Variants in ERBB4 observed in about 807,000 individuals in gnomAD.
The protein encoded by ERBB4 is receptor tyrosine-protein kinase erbB-4.
A neutral mutation model predicts 158.0 loss-of-function variants in ERBB4; 42 were observed. The observed-to-expected ratio is 0.27, with a 90% CI of 0.21 to 0.34. The LOEUF (loss-of-function observed/expected upper bound fraction) is 0.34. ERBB4 is among the 10% of genes least tolerant of loss of function. The probability of loss-of-function intolerance (pLI) is 1.00; values close to 1 mark genes in which losing one functional copy is unlikely to be tolerated. For synonymous variants in ERBB4, 583 were observed against 558.7 expected, an observed-to-expected ratio of 1.04 and a Z score of -0.61; for missense variants, 1,333 against 1,624.1, an observed-to-expected ratio of 0.82 and a Z score of 3.08.
At chr2:212,405,883 C>T (rs971307754) in intron 1 of ERBB4, among the ~76,000 whole-genome samples, 3 of 152,048 alleles carry the variant, frequency 2.0e-5, no homozygotes, top group African/African-American at 7.2e-5. Flanking sequence ...TGTAAATCAA[C>T]AGCACAACTA....
chr2:212,251,301 CATTT>C (rs1197672047), intron 1 of ERBB4, among the ~76,000 whole-genome samples: 10 of 152,066 alleles, frequency 6.6e-5, no homozygotes, highest in Admixed American at 2.6e-4. Context: ...TGTATACATT[CATTT>C]ATTTATTCAT....
At position 211,750,707 on chromosome 2, in the gene ERBB4, G is replaced by A. The variant is rs2106209481; in HGVS notation, c.557-3C>T. On this transcript the variant is annotated splice_region_variant and splice_polypyrimidine_tract_variant and intron_variant, in intron 4 of 27. Transcript: ENST00000342788. ...ACAGGACTTATGGCAACGTCCACCT[G>A]CAGAACACGAAAAGGGAAAAAGGAC... is the stretch of plus-strand genomic sequence containing the variant. 1 of 1,613,354 alleles carries A rather than the reference G, an allele frequency of 6.2e-7. No homozygotes were observed.
intron 4 of ERBB4, among the ~76,000 whole-genome samples, chr2:211,751,300 C>T (rs963169967): frequency 6.6e-6 from 1 of 152,030 alleles, no homozygotes; most frequent in African/African-American, 2.4e-5. Flanking sequence ...CCTTAATCTC[C>T]TATAGTGGCA....
intron 1 of ERBB4, among the ~76,000 whole-genome samples, chr2:212,457,640 A>C (rs1360685288): frequency 1.3e-5 from 2 of 152,094 alleles, no homozygotes; most frequent in Admixed American, 6.6e-5. Flanking sequence ...TAATACTCAC[A>C]TTAAAATTTA....
At chr2:211,760,120 G>T (rs2075373330) in intron 4 of ERBB4, among the ~76,000 whole-genome samples, 1 of 152,130 alleles carries the variant, frequency 6.6e-6, no homozygotes, top group South Asian at 2.1e-4. Context: ...CAGATTTGTA[G>T]CTCATTAAAA....
chr2:211,398,830 C>A (rs1452034881), intron 25 of ERBB4, among the ~76,000 whole-genome samples: 1 of 152,128 alleles, frequency 6.6e-6, no homozygotes, highest in Non-Finnish European at 1.5e-5. Context: ...GACTCTGGCT[C>A]AGAAACAAAA....
intron 25 of ERBB4, among the ~76,000 whole-genome samples, chr2:211,402,709 G>A (rs1042361792): frequency 1.8e-4 from 27 of 151,844 alleles, no homozygotes; most frequent in African/African-American, 4.4e-4. Context: ...TCAATAAAAC[G>A]TTTATCAGCC....
At chr2:212,360,808 T>C (rs1437786988) in intron 1 of ERBB4, among the ~76,000 whole-genome samples, 3 of 151,714 alleles carry the variant, frequency 2.0e-5, no homozygotes, top group Non-Finnish European at 3.0e-5. Context: ...CTTTTTTTCC[T>C]TGATGAAAAA....
At chr2:211,854,565 A>G (rs1347470796) in intron 3 of ERBB4, among the ~76,000 whole-genome samples, 1 of 152,174 alleles carries the variant, frequency 6.6e-6, no homozygotes, top group Non-Finnish European at 1.5e-5. Flanking sequence ...TAAATAAACT[A>G]TATAAATGAA....
At chr2:211,389,245 C>T (rs1045123561) in intron 25 of ERBB4, among the ~76,000 whole-genome samples, 5 of 152,120 alleles carry the variant, frequency 3.3e-5, no homozygotes, top group African/African-American at 1.2e-4. Flanking sequence ...CCATGTTAGC[C>T]AGGATAGTCT....
At chr2:211,835,818 T>C (rs2077329359) in intron 3 of ERBB4, among the ~76,000 whole-genome samples, 1 of 152,036 alleles carries the variant, frequency 6.6e-6, no homozygotes. Context: ...AAGCAAATAT[T>C]GATACAAGTG....
At chr2:211,473,423 G>A (rs73067289) in intron 20 of ERBB4, among the ~76,000 whole-genome samples, 3,034 of 152,178 alleles carry the variant, frequency 0.02, 96 homozygotes, top group African/African-American at 0.07. Flanking sequence ...CCAGTTTGTG[G>A]CAGATTGTTA....
intron 19 of ERBB4, among the ~76,000 whole-genome samples, chr2:211,611,408 G>GCTTTACTTTTGCTTTCA (rs1218923704): frequency 0.16 from 3,169 of 20,022 alleles, 61 homozygotes; most frequent in Admixed American, 0.32. Flanking sequence ...AGGTGTGGAA[G>GCTTTACTTTTGCTTTCA]CTTTACTTTT....
At chr2:211,652,793 T>C (rs796986812) in intron 16 of ERBB4, among the ~76,000 whole-genome samples, 4 of 152,294 alleles carry the variant, frequency 2.6e-5, no homozygotes, top group African/African-American at 9.6e-5. Context: ...TAGATAAAAA[T>C]GCTTGATATC....
intron 2 of ERBB4, among the ~76,000 whole-genome samples, chr2:212,018,820 G>C (rs138767469): frequency 6.6e-6 from 1 of 152,112 alleles, no homozygotes; most frequent in African/African-American, 2.4e-5. Flanking sequence ...GTACTTAAAG[G>C]AGACAGGGAG....
At chr2:211,559,466 A>G (rs115692591) in intron 20 of ERBB4, among the ~76,000 whole-genome samples, 1 of 152,218 alleles carries the variant, frequency 6.6e-6, no homozygotes, top group Non-Finnish European at 1.5e-5. Context: ...TTGTCCTGGC[A>G]TAACTAGTAA....
chr2:212,300,078 G>A (rs1470534431), intron 1 of ERBB4, among the ~76,000 whole-genome samples: 3 of 151,438 alleles, frequency 2.0e-5, no homozygotes, highest in East Asian at 3.9e-4. Context: ...GAATTAGTTC[G>A]CCCAAGCAGT....
chr2:211,899,699 T>G (rs537031706), intron 3 of ERBB4, among the ~76,000 whole-genome samples: 1 of 152,146 alleles, frequency 6.6e-6, no homozygotes, highest in Non-Finnish European at 1.5e-5. Flanking sequence ...CATTCTAGTT[T>G]GCCCATATAA....
At chr2:212,115,375 G>A (rs1321597819) in intron 2 of ERBB4, among the ~76,000 whole-genome samples, 3 of 151,742 alleles carry the variant, frequency 2.0e-5, no homozygotes, top group Non-Finnish European at 4.4e-5. Flanking sequence ...TTAAGAGTCA[G>A]AGAAAAATAA....
Sources: gnomAD v4.1 joint callset for allele counts (sites outside exome capture counted in the v4.1 genomes callset) on GRCh38, gnomAD v4.1.1 for gene constraint, MANE v1.5 for transcripts, NCBI Gene and HGNC (gene_info 2026-07-23, HGNC 2026-07-21) for gene names.